Variants in ZNF804A observed in about 807,000 individuals in gnomAD.
The protein encoded by ZNF804A is zinc finger protein 804A.
Under a neutral mutation model 16.5 loss-of-function variants are expected in ZNF804A, and 2 were observed. The ratio of observed to expected loss-of-function variants is 0.12; its 90% CI spans 0.05 to 0.38. The LOEUF is 0.38. Ranked by LOEUF, ZNF804A falls within the 10% of genes least tolerant of loss-of-function variation. ZNF804A has a pLI of 0.99. For synonymous variants in ZNF804A, 534 were observed against 489.6 expected, an observed-to-expected ratio of 1.09 and a Z score of -1.20; for missense variants, 1,473 against 1,390.7, an observed-to-expected ratio of 1.06 and a Z score of -0.94.
At chr2:184,824,522 T>C (rs1695129947) in intron 1 of ZNF804A, among the ~76,000 whole-genome samples, 1 of 152,128 alleles carries the variant, frequency 6.6e-6, no homozygotes, top group Non-Finnish European at 1.5e-5. Context: ...TGATTACTAT[T>C]GCTTATAACG....
chr2:184,737,563 C>T (rs1369790017), intron 1 of ZNF804A, among the ~76,000 whole-genome samples: 1 of 151,982 alleles, frequency 6.6e-6, no homozygotes, highest in African/African-American at 2.4e-5. Flanking sequence ...TCTCTCTAAA[C>T]TAAAAAATAA....
intron 2 of ZNF804A, among the ~76,000 whole-genome samples, chr2:184,880,870 T>C (rs1303879271): frequency 6.6e-6 from 1 of 152,100 alleles, no homozygotes; most frequent in Non-Finnish European, 1.5e-5. Context: ...CCTCATGGCC[T>C]TATCATCTCT....
intron 1 of ZNF804A, among the ~76,000 whole-genome samples, chr2:184,773,629 C>G (rs919399848): frequency 6.6e-6 from 1 of 151,740 alleles, no homozygotes; most frequent in South Asian, 2.1e-4. Flanking sequence ...AAGAATGATA[C>G]AGTGAACTTT....
At chr2:184,730,207 A>AT (rs1451524471) in intron 1 of ZNF804A, among the ~76,000 whole-genome samples, 1 of 152,064 alleles carries the variant, frequency 6.6e-6, no homozygotes, top group African/African-American at 2.4e-5. Flanking sequence ...CTTGGTTACC[A>AT]TTTTTTAACA....
intron 2 of ZNF804A, among the ~76,000 whole-genome samples, chr2:184,878,698 G>A (rs1310481550): frequency 6.6e-6 from 1 of 151,786 alleles, no homozygotes; most frequent in African/African-American, 2.4e-5. Flanking sequence ...AAACATGAAG[G>A]TAATTTATTT....
At chr2:184,866,895 C>A (rs62200790) in intron 2 of ZNF804A, among the ~76,000 whole-genome samples, 47,691 of 149,442 alleles carry the variant, frequency 0.32, 10,327 homozygotes, top group African/African-American at 0.62. Flanking sequence ...ATTTATAAAT[C>A]TAATATATAC....
chr2:184,775,334 T>C (rs1051759567), intron 1 of ZNF804A, among the ~76,000 whole-genome samples: 1 of 151,734 alleles, frequency 6.6e-6, no homozygotes, highest in Non-Finnish European at 1.5e-5. Flanking sequence ...AGCAATGATA[T>C]GAAACCACAA....
intron 2 of ZNF804A, among the ~76,000 whole-genome samples, chr2:184,932,853 C>A (rs17431804): frequency 0.054 from 8,140 of 152,132 alleles, 262 homozygotes; most frequent in Middle Eastern, 0.078. Context: ...TTCTTGCCAT[C>A]AACCCAGAAA....
At chr2:184,755,297 G>C (rs565793145) in intron 1 of ZNF804A, among the ~76,000 whole-genome samples, 1 of 152,016 alleles carries the variant, frequency 6.6e-6, no homozygotes, top group East Asian at 1.9e-4. Context: ...TTTGGACGTA[G>C]AGTCAGTTTT....
At chr2:184,663,183 C>T (rs1461179040) in intron 1 of ZNF804A, among the ~76,000 whole-genome samples, 2 of 152,192 alleles carry the variant, frequency 1.3e-5, no homozygotes, top group Non-Finnish European at 2.9e-5. Flanking sequence ...TGGACCTGGA[C>T]ATCCCTGTGC....
intron 1 of ZNF804A, among the ~76,000 whole-genome samples, chr2:184,722,097 G>A (rs572030370): frequency 7.3e-4 from 111 of 152,078 alleles, no homozygotes; most frequent in Non-Finnish European, 9.9e-4. Context: ...GTGTGGGTGC[G>A]CGTGTGTATG....
chr2:184,873,835 G>A (rs1203594853), intron 2 of ZNF804A, among the ~76,000 whole-genome samples: 2 of 152,122 alleles, frequency 1.3e-5, no homozygotes, highest in African/African-American at 4.8e-5. Context: ...AATATCAAGT[G>A]ATAATGTGGA....
At chr2:184,701,122 A>G (rs915567205) in intron 1 of ZNF804A, among the ~76,000 whole-genome samples, 3 of 151,950 alleles carry the variant, frequency 2.0e-5, no homozygotes, top group Admixed American at 1.3e-4. Flanking sequence ...AATTGTACTT[A>G]AAAAAAGAAA....
At chr2:184,731,251 C>CAAAAAAAAAAAAAAAAAAAAA (rs563068533) in intron 1 of ZNF804A, among the ~76,000 whole-genome samples, 2 of 45,298 alleles carry the variant, frequency 4.4e-5, no homozygotes, top group African/African-American at 2.0e-4. Context: ...GGCTCCGTCG[C>CAAAAAAAAAAAAAAAAAAAAA]AAAAAAAAAA....
chr2:184,603,465 T>C (rs1691082170), intron 1 of ZNF804A, among the ~76,000 whole-genome samples: 2 of 152,224 alleles, frequency 1.3e-5, no homozygotes, highest in African/African-American at 2.4e-5. Context: ...ATTTGGCCTT[T>C]TGTTTTAGTT....
intron 2 of ZNF804A, among the ~76,000 whole-genome samples, chr2:184,874,385 C>T (rs1207939840): frequency 6.6e-6 from 1 of 151,994 alleles, no homozygotes; most frequent in African/African-American, 2.4e-5. Flanking sequence ...TCACATACTA[C>T]ATAATAAATC....
chr2:184,702,778 A>T (rs1230743100), intron 1 of ZNF804A, among the ~76,000 whole-genome samples: 2 of 152,252 alleles, frequency 1.3e-5, no homozygotes, highest in East Asian at 3.9e-4. Flanking sequence ...ATTATGTGAC[A>T]TTTTTTATGG....
chr2:184,883,345 T>A (rs1426576349), intron 2 of ZNF804A, among the ~76,000 whole-genome samples: 1 of 151,950 alleles, frequency 6.6e-6, no homozygotes, highest in African/African-American at 2.4e-5. Flanking sequence ...CTATGAGACA[T>A]ATAAAGAAGA....
At chr2:184,711,973 T>C (rs1263117896) in intron 1 of ZNF804A, among the ~76,000 whole-genome samples, 2 of 151,762 alleles carry the variant, frequency 1.3e-5, no homozygotes, top group African/African-American at 4.8e-5. Context: ...TTATGAATAT[T>C]AGTATAATTA....
Sources: gnomAD v4.1 joint callset for allele counts (sites outside exome capture counted in the v4.1 genomes callset) on GRCh38, gnomAD v4.1.1 for gene constraint, MANE v1.5 for transcripts, NCBI Gene and HGNC (gene_info 2026-07-23, HGNC 2026-07-21) for gene names.